ENPP3: variants seen among roughly 807,000 people sequenced by gnomAD.
The protein encoded by ENPP3 is ectonucleotide pyrophosphatase/phosphodiesterase family member 3.
ENPP3 carries 104 observed loss-of-function variants against 117.8 expected under a neutral mutation model. That is an observed-to-expected ratio of 0.88 (90% confidence interval 0.75 to 1.04). The LOEUF is 1.04. ENPP3 is among the 50% of genes least tolerant of loss of function. ENPP3 has a pLI of 0.00. For missense variants in ENPP3, 1,026 were observed against 1,051.9 expected (o/e 0.98, Z 0.34); for synonymous variants, 380 against 349.9 (o/e 1.09, Z -0.96).
rs142400023 is a variant in ENPP3, at chr6:131,641,527, C to A, written c.151C>A (p.Gln51Lys). 2 of 1,587,186 alleles carry A rather than the reference C, an allele frequency of 1.3e-6. No individual in the cohort carries two copies. The highest frequency in any genetic ancestry group is 2.7e-5 in the African/African-American group (2 of 74,332). The change falls in exon 2 of 25, where the codon CAA becomes AAA. Residue 51 changes from glutamine (Q) to lysine (K), a missense_variant. Coordinates refer to ENST00000357639, the MANE Select transcript of ENPP3 (RefSeq NM_005021.5). ...GCTTGGACTCAGGAAACTGGAAAAGCAAGGTATACCCCTCAGCCTTTTCTC... is the reference window on the plus strand; with the variant it reads ...GCTTGGACTCAGGAAACTGGAAAAGAAAGGTATACCCCTCAGCCTTTTCTC... ...LGLGLRKLEK[Q>K]GSCRKKCFDA... is the part of the protein sequence containing the mutation.
At chr6:131,684,761 G>A (rs141165186) in intron 12 of ENPP3, among the ~76,000 whole-genome samples, 65 of 151,646 alleles carry the variant, frequency 4.3e-4, no homozygotes, top group East Asian at 3.3e-3. Flanking sequence ...TTTATAGCAC[G>A]TACTCCTTAT....
chr6:131,745,264 A>AT (rs34273961), intron 24 of ENPP3, among the ~76,000 whole-genome samples: 5,798 of 146,314 alleles, frequency 0.04, 113 homozygotes, highest in Admixed American at 0.048. Flanking sequence ...AACATGGCGC[A>AT]TTTTTTTTTT....
rs1371739970 is a variant in ENPP3 at position 131,740,397 on chromosome 6, A to G, written c.2457+17A>G. ...AGCTGTCCTGTGAGTATGCTTTGGG[A>G]GGGTCCAGGACCCGAGAAAATGAGT... On this transcript the variant is annotated intron_variant, in intron 24 of 24. Transcript: ENST00000357639. 5 of 1,587,246 alleles carry G rather than the reference A, an allele frequency of 3.2e-6. No homozygotes were observed. In the East Asian group the frequency reaches 6.9e-5, roughly 22 times the overall value.
rs753366106 is a variant in ENPP3 at position 131,700,442 on chromosome 6, C to T, written c.1412+6818C>T. The T allele has an allele frequency of 3.7e-4, 291 of 787,568 alleles. 18 individuals are homozygous for T. Among genetic ancestry groups the T allele is most frequent in the Non-Finnish European group, 2.4e-4 (129 of 545,946 alleles). 48.8% of individuals were successfully genotyped at this position (787,568 alleles called of 1,614,324 possible). Reference sequence around the variant, plus strand: ...CTCAATGATGTAACTTCCTAGGTCACTGTCAGTCACAATGCCATAATCCTT... The same window carrying T: ...CTCAATGATGTAACTTCCTAGGTCATTGTCAGTCACAATGCCATAATCCTT... On this transcript the variant is annotated intron_variant, in intron 15 of 24. Coordinates refer to ENST00000357639, the MANE Select transcript of ENPP3 (RefSeq NM_005021.5).
chr6:131,656,346 A>G (rs1433526804), intron 5 of ENPP3, among the ~76,000 whole-genome samples: 5 of 152,236 alleles, frequency 3.3e-5, no homozygotes, highest in African/African-American at 1.2e-4. Flanking sequence ...CTTTTACTCC[A>G]TGAAATAGTC....
chr6:131,658,218 A>G (rs926202153), intron 5 of ENPP3, 105 bp from the exon 6 acceptor site: 1 of 670,882 alleles, frequency 1.5e-6, no homozygotes, highest in Non-Finnish European at 2.6e-6. Context: ...CCCAAAAGTT[A>G]CCCAATTATT....
intron 18 of ENPP3, among the ~76,000 whole-genome samples, chr6:131,722,799 G>A (rs889232226): frequency 6.6e-6 from 1 of 152,202 alleles, no homozygotes; most frequent in African/African-American, 2.4e-5. Flanking sequence ...AGGGATTGCA[G>A]CCTGCTGTTT....
intron 21 of ENPP3, among the ~76,000 whole-genome samples, chr6:131,734,984 ATTAG>A (rs1361946134): frequency 2.6e-5 from 4 of 152,088 alleles, no homozygotes; most frequent in Non-Finnish European, 2.9e-5. Context: ...GCCATAAGAT[ATTAG>A]TTAATACATC....
rs1585734125 is a variant in ENPP3, at chr6:131,734,776, C to CGT, written c.2089+1053_2089+1054insGT. Among the ~76,000 whole-genome samples, 22 of 151,730 alleles carry CGT rather than the reference C, an allele frequency of 1.4e-4. No homozygotes were observed. The East Asian group carries it at 4.3e-3, about 29-fold the overall frequency. ...AATTAGCTGGGTTTGCTGGTGCGCA[C>CGT]CTGTAATACCAGCTATTCAGGAGGC... On this transcript the variant is annotated intron_variant, in intron 21 of 24. Transcript: ENST00000357639.
intron 2 of ENPP3, 54 bp from the exon 3 acceptor site, chr6:131,649,973 A>G: frequency 2.5e-6 from 4 of 1,604,482 alleles, no homozygotes; most frequent in Admixed American, 3.3e-5. Context: ...CTGCTTAGGT[A>G]TGAGATATTG....
chr6:131,737,503 A>AT (rs148750412), intron 22 of ENPP3, 71 bp downstream of exon 22: 4 of 851,834 alleles, frequency 4.7e-6, no homozygotes, highest in South Asian at 3.1e-5. Context: ...CTAAACACAT[A>AT]TTTTTTTAAT....
chr6:131,676,551 A>G (rs369014717), intron 9 of ENPP3, among the ~76,000 whole-genome samples, 185 bp from the exon 10 acceptor site: 2 of 152,326 alleles, frequency 1.3e-5, no homozygotes, highest in East Asian at 3.9e-4. Context: ...CATTTCTTTT[A>G]TAGTGCCGCA....
intron 20 of ENPP3, among the ~76,000 whole-genome samples, chr6:131,730,876 T>A (rs1780263486): frequency 6.6e-6 from 1 of 150,474 alleles, no homozygotes; most frequent in African/African-American, 2.5e-5. Context: ...GATTGTGCCA[T>A]TGCACTCCAG....
chr6:131,741,926 G>T (rs2114582433), intron 24 of ENPP3, among the ~76,000 whole-genome samples: 1 of 152,208 alleles, frequency 6.6e-6, no homozygotes, highest in East Asian at 1.9e-4. Context: ...ACTATAGGAG[G>T]TGCTCACAAT....
In ENPP3 at chr6:131,671,234, A is replaced by G. The variant is rs768584668; in HGVS notation, c.563-14A>G. ...AGAAACAACTTCCTAATTTCTCACCATATTCTGTTGCAGAAACATGTGGAA... is the reference window on the plus strand; with the variant it reads ...AGAAACAACTTCCTAATTTCTCACCGTATTCTGTTGCAGAAACATGTGGAA... On this transcript the variant is annotated splice_polypyrimidine_tract_variant and intron_variant, in intron 6 of 24. Transcript: ENST00000357639. The G allele has an allele frequency of 8.7e-6, 13 of 1,496,788 alleles. No individual in the cohort carries two copies. The highest frequency in any genetic ancestry group is 1.2e-5 in the Non-Finnish European group (13 of 1,074,810). The allele number at this position is 1,496,788 out of a possible 1,614,324, so 92.7% of individuals were successfully genotyped here.
At chr6:131,743,438 A>G (rs1263184562) in intron 24 of ENPP3, among the ~76,000 whole-genome samples, 1 of 152,098 alleles carries the variant, frequency 6.6e-6, no homozygotes, top group East Asian at 1.9e-4. Flanking sequence ...GAAGTTTGTA[A>G]AGATTAAACA....
At chr6:131,723,321 A>C (rs1397928593) in intron 18 of ENPP3, among the ~76,000 whole-genome samples, 1 of 152,200 alleles carries the variant, frequency 6.6e-6, no homozygotes, top group Non-Finnish European at 1.5e-5. Flanking sequence ...AGCTTAGCAA[A>C]CTTCTCAATG....
chr6:131,651,971 C>T (rs1236053933), intron 3 of ENPP3, among the ~76,000 whole-genome samples: 1 of 152,170 alleles, frequency 6.6e-6, no homozygotes, highest in Non-Finnish European at 1.5e-5. Flanking sequence ...CTGCCTCCAG[C>T]CTCTTGCTGT....
intron 1 of ENPP3, chr6:131,638,454 C>G: frequency 2.2e-6 from 1 of 446,740 alleles, no homozygotes. Flanking sequence ...GAGACAGGGT[C>G]TCTCTCCTTT....
Sources: gnomAD v4.1 joint callset for allele counts (sites outside exome capture counted in the v4.1 genomes callset) on GRCh38, gnomAD v4.1.1 for gene constraint, MANE v1.5 for transcripts, NCBI Gene and HGNC (gene_info 2026-07-23, HGNC 2026-07-21) for gene names.